CRYBG3: variants seen among roughly 807,000 people sequenced by gnomAD.
CRYBG3 encodes crystallin beta-gamma domain containing 3.
A neutral mutation model predicts 244.2 loss-of-function variants in CRYBG3; 127 were observed. The ratio of observed to expected loss-of-function variants is 0.52; its 90% confidence interval spans 0.45 to 0.60. CRYBG3 has a LOEUF of 0.60. Ranked by LOEUF, CRYBG3 falls within the 20% of genes least tolerant of loss-of-function variation. CRYBG3 has a pLI of 0.00. For synonymous variants in CRYBG3, 1,132 were observed against 1,195.8 expected (o/e 0.95, Z 1.10); for missense variants, 3,325 against 3,442.5 (o/e 0.97, Z 0.85).
At chr3:97,852,117 A>C (rs2038995337) in intron 2 of CRYBG3, among the ~76,000 whole-genome samples, 1 of 152,200 alleles carries the variant, frequency 6.6e-6, no homozygotes, top group African/African-American at 2.4e-5. Flanking sequence ...AGTCTGAGCT[A>C]ATCTGAGGAT....
intron 2 of CRYBG3, among the ~76,000 whole-genome samples, chr3:97,849,091 T>C (rs1410526080): frequency 6.6e-6 from 1 of 152,226 alleles, no homozygotes; most frequent in African/African-American, 2.4e-5. Context: ...GGGAAATTTA[T>C]TTAACCTCTC....
At chr3:97,852,896 G>A (rs147582008) in intron 2 of CRYBG3, among the ~76,000 whole-genome samples, 1 of 152,172 alleles carries the variant, frequency 6.6e-6, no homozygotes, top group African/African-American at 2.4e-5. Flanking sequence ...ATCGCATTGT[G>A]GTTTTGAAGT....
At chr3:97,848,290 CTTTG>C (rs1463882198) in intron 2 of CRYBG3, among the ~76,000 whole-genome samples, 2 of 152,054 alleles carry the variant, frequency 1.3e-5, no homozygotes, top group Non-Finnish European at 1.5e-5. Flanking sequence ...TGCTTGCTAT[CTTTG>C]TTTGTTTGTT....
At chr3:97,935,928 T>G (rs2040159091) in intron 18 of CRYBG3, among the ~76,000 whole-genome samples, 2 of 152,096 alleles carry the variant, frequency 1.3e-5, no homozygotes, top group Non-Finnish European at 2.9e-5. Context: ...TGCACACACT[T>G]TCTTAAAGCA....
intron 17 of CRYBG3, among the ~76,000 whole-genome samples, chr3:97,916,059 TAAA>T (rs2039925659): frequency 6.6e-6 from 1 of 152,074 alleles, no homozygotes; most frequent in African/African-American, 2.4e-5. Context: ...AAAATAAAAA[TAAA>T]ATAATAACAA....
chr3:97,849,342 T>C (rs2038950920), intron 2 of CRYBG3, among the ~76,000 whole-genome samples: 1 of 152,196 alleles, frequency 6.6e-6, no homozygotes, highest in Admixed American at 6.5e-5. Context: ...ATTTGAAATA[T>C]TGATTCTGCA....
Position 97,878,535 on chromosome 3 carries a change from GAA to G in CRYBG3, c.6843+506_6843+507del, listed in dbSNP as rs546085538. ...TCATGTATTTTAGCTGGACTACTTA[GAA>G]AAAAAAATTGCTTGGTCAGAATTTA... On this transcript the variant is annotated intron_variant, in intron 4 of 21. Coordinates refer to ENST00000389622, the MANE Select transcript of CRYBG3 (RefSeq NM_153605.4). 5.9e-5 allele frequency among the ~76,000 whole-genome samples: 9 copies of G among 151,634 alleles called. 1 individual carries two copies. Among genetic ancestry groups the G allele is most frequent in the African/African-American group, 2.2e-4 (9 of 41,410 alleles).
intron 15 of CRYBG3, among the ~76,000 whole-genome samples, chr3:97,910,434 A>G (rs578169840): frequency 2.4e-3 from 371 of 152,346 alleles, no homozygotes; most frequent in African/African-American, 8.4e-3. Context: ...AGCCAGGTGC[A>G]GGATATAATC....
chr3:97,940,865 C>G (rs191569164), intron 19 of CRYBG3, among the ~76,000 whole-genome samples: 112 of 152,046 alleles, frequency 7.4e-4, no homozygotes, highest in African/African-American at 2.5e-3. Context: ...TTTACCACCC[C>G]ACTCCTCACC....
intron 16 of CRYBG3, among the ~76,000 whole-genome samples, chr3:97,913,363 A>G (rs2039894600): frequency 6.6e-6 from 1 of 152,134 alleles, no homozygotes; most frequent in Non-Finnish European, 1.5e-5. Context: ...GCAAACTTTA[A>G]CTATAAAGAA....
chr3:97,899,277 G>C lies in CRYBG3; in HGVS notation c.7971+14G>C. The C allele has an allele frequency of 6.2e-7, 1 of 1,607,420 alleles. No individual in the cohort carries two copies. The highest frequency in any genetic ancestry group is 8.5e-7 in the Non-Finnish European group (1 of 1,177,998). ...CCAATCCAACTGGTGAGTGAAGTAT[G>C]AACATAGCCAGTGCTGCATCATGTA... On this transcript the variant is annotated intron_variant, in intron 14 of 21. Coordinates refer to ENST00000389622, the MANE Select transcript of CRYBG3 (RefSeq NM_153605.4).
At chr3:97,855,210 T>C (rs979560235) in intron 2 of CRYBG3, among the ~76,000 whole-genome samples, 2 of 152,166 alleles carry the variant, frequency 1.3e-5, no homozygotes, top group African/African-American at 4.8e-5. Flanking sequence ...GTATATAATC[T>C]TTTTTATGTG....
intron 16 of CRYBG3, among the ~76,000 whole-genome samples, chr3:97,914,110 C>T (rs1269097209): frequency 6.6e-6 from 1 of 152,140 alleles, no homozygotes; most frequent in Non-Finnish European, 1.5e-5. Flanking sequence ...CAGTCCTTTC[C>T]TTCTCCTATT....
intron 19 of CRYBG3, among the ~76,000 whole-genome samples, chr3:97,938,542 G>A (rs1429527612): frequency 6.6e-6 from 1 of 151,910 alleles, no homozygotes; most frequent in Non-Finnish European, 1.5e-5. Context: ...ATGCACACAT[G>A]CACACATGCA....
chr3:97,826,481 C>A (rs1237474531), intron 1 of CRYBG3, among the ~76,000 whole-genome samples: 1 of 152,068 alleles, frequency 6.6e-6, no homozygotes, highest in Non-Finnish European at 1.5e-5. Flanking sequence ...AGAAAATATT[C>A]CCTCAAGACA....
In CRYBG3 at chr3:97,877,240, G is replaced by T. The variant is rs373912145; in HGVS notation, c.6046G>T (p.Ala2016Ser). The change falls in exon 4 of 22, where the codon GCA (alanine) becomes TCA (serine). Residue 2016 changes from alanine (A) to serine (S), a missense_variant. Ala to Ser is a moderately conservative substitution (Grantham distance 99, BLOSUM62 1). This residue lies in a region of CRYBG3 where 450 missense variants were observed against 424.1 expected (regional missense o/e 1.06). Transcript: ENST00000389622. Reference protein sequence around the residue: ...PLQEEDKYASAEARQTQSVLF... With the variant: ...PLQEEDKYASSEARQTQSVLF... ...TCAAGAGGAGGACAAGTATGCTTCCGCAGAAGCAAGACAAACACAGTCTGT... is the reference window on the plus strand; with the variant it reads ...TCAAGAGGAGGACAAGTATGCTTCCTCAGAAGCAAGACAAACACAGTCTGT... 1.2e-6 allele frequency: 2 copies of T among 1,613,742 alleles called. No homozygotes were observed. Among genetic ancestry groups the T allele is most frequent in the Non-Finnish European group, 8.5e-7 (1 of 1,179,736 alleles).
Position 97,874,064 on chromosome 3 carries a change from C to T in CRYBG3, c.2870C>T (p.Ala957Val), listed in dbSNP as rs1470564348. 1.3e-5 allele frequency: 20 copies of T among 1,535,698 alleles called. No homozygotes were observed. Among genetic ancestry groups the T allele is most frequent in the South Asian group, 1.2e-4 (10 of 83,988 alleles). ...IHDEKISRQM[A>V]QNCEAHTCVF... ...GATGAAAAAATCAGTAGGCAAATGGCGCAGAATTGTGAAGCTCACACTTGT... is the reference window on the plus strand; with the variant it reads ...GATGAAAAAATCAGTAGGCAAATGGTGCAGAATTGTGAAGCTCACACTTGT... The change falls in exon 4 of 22, where the codon GCG (alanine) becomes GTG (valine). Residue 957 changes from alanine to valine, a missense_variant. Coordinates refer to ENST00000389622, the MANE Select transcript of CRYBG3 (RefSeq NM_153605.4).
chr3:97,936,977 A>G, intron 19 of CRYBG3, 69 bp downstream of exon 19: 7 of 1,518,552 alleles, frequency 4.6e-6, no homozygotes, highest in Middle Eastern at 1.7e-4. Context: ...AAACCACAGC[A>G]TCTGAAATAA....
intron 7 of CRYBG3, among the ~76,000 whole-genome samples, chr3:97,886,088 C>G (rs1325198419): frequency 6.6e-6 from 1 of 152,124 alleles, no homozygotes; most frequent in East Asian, 1.9e-4. Context: ...ACCTACTGCA[C>G]TAGGAAATGG....
Sources: allele counts gnomAD v4.1 joint callset (sites outside exome capture counted in the v4.1 genomes callset), GRCh38; gene constraint gnomAD v4.1.1; regional missense constraint gnomAD v4.1.1; transcripts MANE v1.5; gene names NCBI Gene and HGNC (gene_info 2026-07-23, HGNC 2026-07-21).